SYNE2: variants seen among roughly 807,000 people sequenced by gnomAD.
The protein encoded by SYNE2 is spectrin repeat containing nuclear envelope protein 2.
A neutral mutation model predicts 856.3 loss-of-function variants in SYNE2; 431 were observed. The observed-to-expected ratio is 0.50, with a 90% CI of 0.47 to 0.55. The LOEUF is 0.55. Among genes scored for constraint, SYNE2 ranks in the 20% least tolerant of loss-of-function variants. SYNE2 has a pLI of 0.00. For synonymous variants in SYNE2, 2,923 were observed against 2,872.3 expected (o/e 1.02, Z -0.56); for missense variants, 8,129 against 8,023.2 (o/e 1.01, Z -0.50).
intron 85 of SYNE2, among the ~76,000 whole-genome samples, chr14:64,154,445 A>C (rs146692443): frequency 1.3e-5 from 2 of 152,186 alleles, no homozygotes; most frequent in African/African-American, 2.4e-5. Flanking sequence ...TACACCTAGA[A>C]TATATGAAGA....
intron 105 of SYNE2, 74 bp downstream of exon 105, chr14:64,213,079 A>T (rs2098649672): frequency 6.7e-7 from 1 of 1,487,170 alleles, no homozygotes; most frequent in Non-Finnish European, 9.3e-7. Flanking sequence ...TTAAAGAATT[A>T]GGGGACCTGT....
chr14:64,020,052 C>T lies in SYNE2; in HGVS notation c.5110C>T (p.Gln1704Ter). 6.2e-7 allele frequency: 1 copy of T among 1,613,906 alleles called. No homozygotes were observed. The highest frequency in any genetic ancestry group is 8.5e-7 in the Non-Finnish European group (1 of 1,179,858). The change falls in exon 35 of 116, where the codon CAG becomes TAG. Residue 1704 changes from glutamine (Q) to a stop codon, truncating the protein, a stop_gained. Transcript: ENST00000555002. LOFTEE classifies it high-confidence loss of function. Reference sequence around the variant, plus strand: ...ATTTTCTAGAAGAGTGGCTGAAATACAGTTTTTGCTCCAAAGCAGTGAAAT... The same window carrying T: ...ATTTTCTAGAAGAGTGGCTGAAATATAGTTTTTGCTCCAAAGCAGTGAAAT... ...SEFSRRVAEI[Q>*]FLLQSSEIPL...
At chr14:63,819,935 G>C (rs1057213476) in intron 1 of SYNE2, among the ~76,000 whole-genome samples, 2 of 152,034 alleles carry the variant, frequency 1.3e-5, no homozygotes, top group Non-Finnish European at 2.9e-5. Flanking sequence ...CATATAAAAT[G>C]CTTAGGGAAT....
chr14:64,080,431 G>A lies in SYNE2; in HGVS notation c.11164-25G>A, dbSNP rs1054480545. 5 of 1,613,354 alleles carry A rather than the reference G, an allele frequency of 3.1e-6. No homozygotes were observed. In the African/African-American group the frequency reaches 6.7e-5, roughly 22 times the overall value. On this transcript the variant is annotated intron_variant, in intron 55 of 115. Transcript: ENST00000555002. ...CATAAACTATGACCTCTTCATTCAA[G>A]TTGACTTACGATTTCCTTCTCCAGA...
chr14:63,782,135 CA>C (rs200894740), intron 1 of SYNE2, among the ~76,000 whole-genome samples: 17 of 136,954 alleles, frequency 1.2e-4, no homozygotes, highest in African/African-American at 3.0e-4. Context: ...GACCCCATCT[CA>C]AAAAAAAAAA....
intron 1 of SYNE2, among the ~76,000 whole-genome samples, chr14:63,870,092 C>T (rs1595328606): frequency 6.6e-6 from 1 of 152,122 alleles, no homozygotes; most frequent in East Asian, 1.9e-4. Flanking sequence ...TCCCCATTGG[C>T]CATGAGAATA....
chr14:63,867,436 G>A (rs377474336), intron 1 of SYNE2, among the ~76,000 whole-genome samples: 15 of 147,436 alleles, frequency 1.0e-4, no homozygotes, highest in Admixed American at 1.4e-4. Flanking sequence ...GGTGGCTCAC[G>A]CCTGTAATCC....
In SYNE2 at chr14:64,101,939, AT is replaced by A; in HGVS notation, c.12390del (p.Asp4130GlufsTer41). The A allele has an allele frequency of 6.2e-7, 1 of 1,612,976 alleles. No homozygotes were observed. Among genetic ancestry groups the A allele is most frequent in the Non-Finnish European group, 8.5e-7 (1 of 1,179,012 alleles). ...EESSVKSDNG[D>X]EKAEPSPQSW... ...AATCGTTTACTGTGATAGAATGGAG[AT>A]GAGAAGGCAGAGCCATCGCCTCAGT... On this transcript the variant is annotated frameshift_variant, in exon 64 of 116. Transcript: ENST00000555002. LOFTEE classifies it high-confidence loss of function.
At chr14:63,814,881 TATATATATCCATATATATATCC>T (rs1266846808) in intron 1 of SYNE2, among the ~76,000 whole-genome samples, 4 of 72,876 alleles carry the variant, frequency 5.5e-5, no homozygotes, top group South Asian at 5.2e-4. Flanking sequence ...TATATATCCA[TATATATATCCATATATATATCC>T]ATATATATCC....
intron 92 of SYNE2, among the ~76,000 whole-genome samples, chr14:64,167,953 G>A (rs1051304661): frequency 2.0e-5 from 3 of 152,108 alleles, no homozygotes; most frequent in South Asian, 2.1e-4. Flanking sequence ...AAAATACTTC[G>A]ACTCATGTTT....
At chr14:64,119,261 T>C (rs1281630399) in intron 66 of SYNE2, among the ~76,000 whole-genome samples, 166 bp from the exon 67 acceptor site, 1 of 152,244 alleles carries the variant, frequency 6.6e-6, no homozygotes, top group East Asian at 1.9e-4. Flanking sequence ...TACTGAAAAG[T>C]ACAAGAATTC....
intron 27 of SYNE2, among the ~76,000 whole-genome samples, chr14:63,999,753 G>A (rs1362160303): frequency 2.0e-5 from 3 of 152,226 alleles, no homozygotes; most frequent in Non-Finnish European, 2.9e-5. Context: ...CTCACAGATG[G>A]AGGGCCATAG....
At chr14:63,800,205 C>T (rs1439001795) in intron 1 of SYNE2, among the ~76,000 whole-genome samples, 4 of 152,080 alleles carry the variant, frequency 2.6e-5, no homozygotes, top group African/African-American at 7.2e-5. Flanking sequence ...GATTTTCTTA[C>T]AGAAAGTATA....
At chr14:63,944,471 C>T (rs2095984944) in intron 6 of SYNE2, among the ~76,000 whole-genome samples, 1 of 147,706 alleles carries the variant, frequency 6.8e-6, no homozygotes, top group South Asian at 2.1e-4. Flanking sequence ...AGGTCAAATT[C>T]TTAGAAGTGG....
chr14:64,219,104 G>GTT (rs528002229), intron 109 of SYNE2, 104 bp from the exon 110 acceptor site: 5,093 of 405,042 alleles, frequency 0.013, 62 homozygotes, highest in East Asian at 0.059. Context: ...CAGTTTTTTT[G>GTT]TTTTTTTTTT....
chr14:64,120,225 A>G (rs2097887903), intron 67 of SYNE2, among the ~76,000 whole-genome samples: 1 of 152,138 alleles, frequency 6.6e-6, no homozygotes, highest in South Asian at 2.1e-4. Context: ...CATAGGCCAT[A>G]TGGTTCCCCT....
Position 64,212,116 on chromosome 14 carries a change from C to G in SYNE2, c.18861+18C>G. 6.2e-7 allele frequency: 1 copy of G among 1,613,690 alleles called. No individual in the cohort carries two copies. Reference sequence around the variant, plus strand: ...AACTGAATGTGAGGGCTGCTGCTTCCCTAGCTCTTCTCAAAAGAACACACC... The same window carrying G: ...AACTGAATGTGAGGGCTGCTGCTTCGCTAGCTCTTCTCAAAAGAACACACC... On this transcript the variant is annotated intron_variant, in intron 104 of 115. Coordinates refer to ENST00000555002, the MANE Select transcript of SYNE2 (RefSeq NM_182914.3).
intron 1 of SYNE2, among the ~76,000 whole-genome samples, chr14:63,874,158 C>T (rs528111809): frequency 2.0e-5 from 3 of 152,250 alleles, no homozygotes; most frequent in East Asian, 1.9e-4. Flanking sequence ...AGATTGCTTG[C>T]ATTACGTATC....
At chr14:64,191,482 A>G (rs2098518499) in intron 99 of SYNE2, among the ~76,000 whole-genome samples, 1 of 152,178 alleles carries the variant, frequency 6.6e-6, no homozygotes, top group African/African-American at 2.4e-5. Flanking sequence ...TGGCAGAGAG[A>G]GAGACACATA....
Sources: allele counts gnomAD v4.1 joint callset (sites outside exome capture counted in the v4.1 genomes callset), GRCh38; gene constraint gnomAD v4.1.1; transcripts MANE v1.5; gene names NCBI Gene and HGNC (gene_info 2026-07-23, HGNC 2026-07-21).